The following DGKI variants were observed in gnomAD, a reference collection of about 807,000 sequenced individuals.
DGKI encodes the protein diacylglycerol kinase iota.
A neutral mutation model predicts 147.5 loss-of-function variants in DGKI; 55 were observed. The ratio of observed to expected loss-of-function variants is 0.37; its 90% CI spans 0.30 to 0.47. DGKI has a LOEUF of 0.47. DGKI is among the 20% of genes least tolerant of loss of function. The pLI is 1.00. For missense variants in DGKI, 1,007 were observed against 1,323.8 expected (o/e 0.76, Z 3.71); for synonymous variants, 469 against 477.1 (o/e 0.98, Z 0.22).
intron 20 of DGKI, among the ~76,000 whole-genome samples, chr7:137,547,036 AT>A (rs1817890299): frequency 6.6e-6 from 1 of 152,258 alleles, no homozygotes; most frequent in Admixed American, 6.5e-5. Context: ...AATATTATCT[AT>A]TTATTAATAG....
At chr7:137,743,492 A>G (rs1795238009) in intron 1 of DGKI, among the ~76,000 whole-genome samples, 1 of 152,214 alleles carries the variant, frequency 6.6e-6, no homozygotes. Context: ...TCAAAACCAT[A>G]AAAATATATG....
chr7:137,769,476 T>C (rs1361766679), intron 1 of DGKI, among the ~76,000 whole-genome samples: 1 of 152,078 alleles, frequency 6.6e-6, no homozygotes, highest in African/African-American at 2.4e-5. Context: ...AATTGACAAA[T>C]GAGATCCAAT....
At chr7:137,656,615 G>T in intron 3 of DGKI, 75 bp from the exon 4 acceptor site, 3 of 1,335,074 alleles carry the variant, frequency 2.2e-6, no homozygotes, top group Non-Finnish European at 3.2e-6. Context: ...TATTAAAGTG[G>T]GCATATATAA....
chr7:137,811,949 C>T (rs767133962), intron 1 of DGKI, among the ~76,000 whole-genome samples: 7 of 152,068 alleles, frequency 4.6e-5, no homozygotes, highest in Non-Finnish European at 8.8e-5. Context: ...ACATCTTTGC[C>T]TGCTTTGTTA....
chr7:137,672,168 C>T lies in DGKI; in HGVS notation c.606+6389G>A, dbSNP rs541266337. Among the ~76,000 whole-genome samples, 31 of 152,326 alleles carry T rather than the reference C, an allele frequency of 2.0e-4. 1 individual carries two copies. Among genetic ancestry groups the T allele is most frequent in the Middle Eastern group, 3.4e-3 (1 of 294 alleles). ...CCTAAACACTCAAGCCTGCTGTAGA[C>T]GCACCTGTGTGCATACGTGTCAGTG... is the stretch of plus-strand genomic sequence containing the variant. On this transcript the variant is annotated intron_variant, in intron 3 of 32. Transcript: ENST00000614521.
intron 1 of DGKI, among the ~76,000 whole-genome samples, chr7:137,799,544 T>C (rs1173412150): frequency 6.6e-6 from 1 of 152,180 alleles, no homozygotes; most frequent in Non-Finnish European, 1.5e-5. Context: ...CCAGTCCAAC[T>C]CCTCATAAGA....
intron 3 of DGKI, among the ~76,000 whole-genome samples, chr7:137,668,966 T>G (rs1822744323): frequency 6.6e-6 from 1 of 152,262 alleles, no homozygotes; most frequent in Admixed American, 6.5e-5. Flanking sequence ...TTTGCCAGCC[T>G]GCTGTTATAT....
chr7:137,571,634 T>C (rs530555744), intron 18 of DGKI, among the ~76,000 whole-genome samples: 1 of 152,234 alleles, frequency 6.6e-6, no homozygotes, highest in Non-Finnish European at 1.5e-5. Context: ...GATGTATGCA[T>C]GCCAGTAGAA....
intron 28 of DGKI, among the ~76,000 whole-genome samples, chr7:137,425,136 G>T (rs1812741882): frequency 6.6e-6 from 1 of 152,204 alleles, no homozygotes. Context: ...CAGCCTAGCT[G>T]GGAGGCACCC....
At chr7:137,526,876 G>A (rs1382137966) in intron 20 of DGKI, among the ~76,000 whole-genome samples, 2 of 151,946 alleles carry the variant, frequency 1.3e-5, no homozygotes, top group Non-Finnish European at 2.9e-5. Flanking sequence ...GATAAGAGAC[G>A]CCTCTCATCC....
At chr7:137,782,045 T>G (rs1796534052) in intron 1 of DGKI, among the ~76,000 whole-genome samples, 1 of 152,120 alleles carries the variant, frequency 6.6e-6, no homozygotes, top group Non-Finnish European at 1.5e-5. Context: ...GAACTTTTGC[T>G]CCAAGAACTA....
intron 20 of DGKI, among the ~76,000 whole-genome samples, chr7:137,533,904 A>G (rs1817428569): frequency 6.6e-6 from 1 of 152,160 alleles, no homozygotes; most frequent in Admixed American, 6.6e-5. Flanking sequence ...AATCATGTAT[A>G]GAACTTCATT....
In DGKI at chr7:137,678,407, ACT is replaced by A. The variant is rs141632656; in HGVS notation, c.606+148_606+149del. ...CCTGAAAGCCATGTTAACTTGAGAA[ACT>A]CTCTGCAAACCTTGAAAACATCCGG... On this transcript the variant is annotated intron_variant, in intron 3 of 32. Transcript: ENST00000614521. The A allele has an allele frequency of 5.0e-3, 3,693 of 737,748 alleles. 98 individuals carry two copies. In the African/African-American group the frequency reaches 0.058, roughly 12 times the overall value. The allele number at this position is 737,748 out of a possible 1,614,324, so 45.7% of individuals were successfully genotyped here. A position where few individuals can be genotyped will look rare whatever the true frequency, so the allele number is the denominator to read the frequency against.
intron 1 of DGKI, among the ~76,000 whole-genome samples, chr7:137,839,059 G>C (rs1261940145): frequency 6.6e-6 from 1 of 152,174 alleles, no homozygotes; most frequent in Non-Finnish European, 1.5e-5. Flanking sequence ...GAAGCTCTGA[G>C]ACCCCTCTCA....
At chr7:137,591,716 C>T (rs1031430404) in intron 12 of DGKI, among the ~76,000 whole-genome samples, 7 of 152,184 alleles carry the variant, frequency 4.6e-5, no homozygotes, top group Non-Finnish European at 1.0e-4. Flanking sequence ...CATGTGTAGA[C>T]ATTGCTTAGC....
chr7:137,710,046 A>G (rs181096169), intron 1 of DGKI, among the ~76,000 whole-genome samples: 207 of 152,076 alleles, frequency 1.4e-3, no homozygotes, highest in African/African-American at 4.8e-3. Context: ...AGGTAAATCT[A>G]ACATGTTTAT....
At chr7:137,609,445 G>GA in intron 9 of DGKI, 90 bp downstream of exon 9, 1 of 977,542 alleles carries the variant, frequency 1.0e-6, no homozygotes, top group East Asian at 2.5e-5. Flanking sequence ...AGATAGATCA[G>GA]AAAAATCAAC....
In DGKI at chr7:137,699,807, G is replaced by A. The variant is rs549193575; in HGVS notation, c.402-9805C>T. Among the ~76,000 whole-genome samples the A allele has an allele frequency of 4.6e-5, 7 of 152,140 alleles. No homozygotes were observed. The East Asian group carries it at 9.7e-4, about 21-fold the overall frequency. ...CTTCCCCCTTCAATTTCACCTGGAC[G>A]CCTATACTGTCACAACCACAGTCTT... is the stretch of plus-strand genomic sequence containing the variant. On this transcript the variant is annotated intron_variant, in intron 1 of 32. Coordinates refer to ENST00000614521, the MANE Select transcript of DGKI (RefSeq NM_001321708.2).
intron 1 of DGKI, among the ~76,000 whole-genome samples, chr7:137,705,349 G>A (rs1469808117): frequency 1.3e-5 from 2 of 151,870 alleles, no homozygotes; most frequent in Non-Finnish European, 2.9e-5. Flanking sequence ...ATGGATTAAA[G>A]AAACTATGGT....
Sources: gnomAD v4.1 joint callset for allele counts (sites outside exome capture counted in the v4.1 genomes callset) on GRCh38, gnomAD v4.1.1 for gene constraint, MANE v1.5 for transcripts, NCBI Gene and HGNC (gene_info 2026-07-23, HGNC 2026-07-21) for gene names.